RGS22: variants seen among roughly 807,000 people sequenced by gnomAD.
RGS22 encodes the protein regulator of G-protein signaling 22.
RGS22 carries 148 observed loss-of-function variants against 172.9 expected under a neutral mutation model. The observed-to-expected ratio is 0.86, with a 90% CI of 0.75 to 0.98. The LOEUF (loss-of-function observed/expected upper bound fraction) is 0.98. Ranked by LOEUF, RGS22 falls within the 50% of genes least tolerant of loss-of-function variation. RGS22 has a pLI of 0.00. For missense variants in RGS22, 1,347 were observed against 1,440.8 expected (o/e 0.93, Z 1.05); for synonymous variants, 458 against 480.2 (o/e 0.95, Z 0.60).
chr8:99,987,456 A>G lies in RGS22; in HGVS notation c.3180+2T>C. The G allele has an allele frequency of 6.3e-7, 1 of 1,598,944 alleles. No individual in the cohort carries two copies. The highest frequency in any genetic ancestry group is 2.2e-5 in the East Asian group (1 of 44,598). ...GGTTTTCTCTAGCTCCCAATACAAT[A>G]CCTTATATTTTTGTACTTCTTGCCA... On this transcript the variant is annotated splice_donor_variant, in intron 21 of 27. Transcript: ENST00000360863. LOFTEE classifies it high-confidence loss of function.
At chr8:99,971,777 G>C (rs1266382470) in intron 23 of RGS22, among the ~76,000 whole-genome samples, 1 of 151,694 alleles carries the variant, frequency 6.6e-6, no homozygotes, top group Non-Finnish European at 1.5e-5. Context: ...GGAAGAATCA[G>C]TATCGTGGGA....
intron 15 of RGS22, among the ~76,000 whole-genome samples, chr8:100,007,330 T>A (rs1006240663): frequency 6.6e-6 from 1 of 152,200 alleles, no homozygotes; most frequent in Admixed American, 6.5e-5. Context: ...TAGATGGTTT[T>A]AATTTGTGAT....
At chr8:99,976,790 T>G (rs752866507) in intron 23 of RGS22, among the ~76,000 whole-genome samples, 11 of 152,204 alleles carry the variant, frequency 7.2e-5, no homozygotes, top group Non-Finnish European at 1.2e-4. Flanking sequence ...GTTTTATTTC[T>G]AATGGGAAAA....
At chr8:100,101,258 G>C (rs908582532) in intron 2 of RGS22, among the ~76,000 whole-genome samples, 30 of 151,026 alleles carry the variant, frequency 2.0e-4, no homozygotes, top group Non-Finnish European at 3.8e-4. Context: ...TACTTTAGCT[G>C]TAAGTTTAAA....
intron 9 of RGS22, among the ~76,000 whole-genome samples, chr8:100,055,822 C>T (rs1822184760): frequency 3.3e-5 from 5 of 152,158 alleles, no homozygotes; most frequent in African/African-American, 9.7e-5. Flanking sequence ...TTCATTAAAC[C>T]TCTTTGCTTT....
Position 100,002,619 on chromosome 8 carries a change from G to A in RGS22, c.2628-255C>T, listed in dbSNP as rs562204977. 3.3e-5 allele frequency among the ~76,000 whole-genome samples: 5 copies of A among 152,214 alleles called. No individual in the cohort carries two copies. The South Asian group carries it at 6.2e-4, about 19-fold the overall frequency. ...ATTTTGGGATCAGAAAAAAAAATCC[G>A]TCACCATTATTGGTGGGATCTCAGA... On this transcript the variant is annotated intron_variant, in intron 17 of 27. Transcript: ENST00000360863.
chr8:100,094,901 T>C (rs1160871600), intron 2 of RGS22, among the ~76,000 whole-genome samples: 1 of 152,212 alleles, frequency 6.6e-6, no homozygotes, highest in African/African-American at 2.4e-5. Context: ...CAGTACTGGA[T>C]CACATGATCA....
chr8:100,032,128 G>T (rs1458903151), intron 14 of RGS22, among the ~76,000 whole-genome samples: 5 of 152,160 alleles, frequency 3.3e-5, no homozygotes, highest in Admixed American at 3.3e-4. Context: ...AAAATAACCA[G>T]CAAACATCAT....
chr8:100,054,190 G>C (rs892212024), intron 9 of RGS22: 1 of 152,194 alleles, frequency 6.6e-6, no homozygotes, highest in South Asian at 2.1e-4. Context: ...CCAGCTGTAA[G>C]AGCCTGCTGC....
chr8:100,008,551 C>T lies in RGS22; in HGVS notation c.2185G>A (p.Val729Ile), dbSNP rs200812148. Residue 729 changes from valine (V) to isoleucine (I), a missense_variant, in exon 15 of 28, where the codon GTT becomes ATT. By Grantham distance (29) the Val-to-Ile change is conservative. Transcript: ENST00000360863. ...ATGTCAAGAGTGGCAGAAGGAGCAA[C>T]GTATGTGGCAAAAAGATACTGAAGG... Reference protein sequence around the residue: ...KQAQYLFATYVAPSATLDIGL... With the variant: ...KQAQYLFATYIAPSATLDIGL... 4.1e-4 allele frequency: 661 copies of T among 1,606,758 alleles called. 1 individual carries two copies. Among genetic ancestry groups the T allele is most frequent in the Non-Finnish European group, 5.3e-4 (621 of 1,178,186 alleles).
chr8:99,989,286 C>A (rs2131257553), intron 20 of RGS22, among the ~76,000 whole-genome samples: 1 of 152,176 alleles, frequency 6.6e-6, no homozygotes, highest in East Asian at 1.9e-4. Context: ...CTTATAAGCT[C>A]AAAAGGAAGA....
intron 11 of RGS22, 21 bp downstream of exon 11, chr8:100,047,442 C>A: frequency 6.4e-7 from 1 of 1,571,654 alleles, no homozygotes. Flanking sequence ...AAGCACTTAA[C>A]ACACAAAAAG....
In RGS22 at chr8:99,961,042, C is replaced by T. The variant is rs1009256276; in HGVS notation, c.*200G>A. The stretch of plus-strand genomic sequence containing the variant: ...CAGAATAGCTATAATTTTAAAACTG[C>T]GAGAGTAAGACAAGCCAAATTTTCT... On this transcript the variant is annotated 3_prime_UTR_variant, in exon 28 of 28. Coordinates refer to ENST00000360863, the MANE Select transcript of RGS22 (RefSeq NM_015668.5). The T allele has an allele frequency of 1.7e-4, 60 of 354,142 alleles. No individual in the cohort carries two copies. Among genetic ancestry groups the T allele is most frequent in the Non-Finnish European group, 2.6e-4 (48 of 182,374 alleles). 21.9% of individuals were successfully genotyped at this position (354,142 alleles called of 1,614,324 possible).
At chr8:100,030,248 C>A (rs1423501396) in intron 14 of RGS22, among the ~76,000 whole-genome samples, 3 of 152,086 alleles carry the variant, frequency 2.0e-5, no homozygotes, top group African/African-American at 7.2e-5. Context: ...ATTGCACTGC[C>A]AGTTGTATAA....
rs1815972160 is a variant in RGS22, at chr8:100,008,372, T to C, written c.2361+3A>G. The C allele has an allele frequency of 2.5e-6, 4 of 1,606,938 alleles. No individual in the cohort carries two copies. The highest frequency in any genetic ancestry group is 1.3e-5 in the African/African-American group (1 of 74,160). ...CACACTCAATTTATCGGTGGCACGG[T>C]ACCTTTTTATAAGCAATTTGGTCCG... On this transcript the variant is annotated splice_donor_region_variant and intron_variant, in intron 15 of 27. Coordinates refer to ENST00000360863, the MANE Select transcript of RGS22 (RefSeq NM_015668.5).
chr8:99,984,784 T>G (rs1318373379), intron 21 of RGS22, among the ~76,000 whole-genome samples: 1 of 135,800 alleles, frequency 7.4e-6, no homozygotes, highest in Admixed American at 7.1e-5. Context: ...TTCCAGTCTT[T>G]ACGGACACAC....
intron 6 of RGS22, among the ~76,000 whole-genome samples, chr8:100,067,707 C>T (rs936508871): frequency 6.6e-6 from 1 of 150,656 alleles, no homozygotes; most frequent in Non-Finnish European, 1.5e-5. Flanking sequence ...TCACTGCAAC[C>T]TCTGCCTACT....
chr8:99,962,958 C>T lies in RGS22; in HGVS notation c.3636G>A (p.Lys1212=). The T allele has an allele frequency of 6.3e-7, 1 of 1,583,662 alleles. No homozygotes were observed. Among genetic ancestry groups the T allele is most frequent in the Non-Finnish European group, 8.5e-7 (1 of 1,172,338 alleles). Reference sequence around the variant, plus strand: ...TCTCCTGTTCTAAGGCTTCTATATACTTTGAGTAGCACCAGGTTGGCTAAA... The same window carrying T: ...TCTCCTGTTCTAAGGCTTCTATATATTTTGAGTAGCACCAGGTTGGCTAAA... ...YGRQPTWCYS[K]YIEALEQERI... The change falls in exon 25 of 28, where the codon AAG becomes AAA. Residue 1212 remains lysine, a synonymous_variant. Coordinates refer to ENST00000360863, the MANE Select transcript of RGS22 (RefSeq NM_015668.5).
intron 3 of RGS22, among the ~76,000 whole-genome samples, chr8:100,084,070 C>T (rs1294240133): frequency 6.6e-6 from 1 of 152,026 alleles, no homozygotes; most frequent in Non-Finnish European, 1.5e-5. Context: ...ATCTCTTGAC[C>T]TCATGATCCG....
Sources: gnomAD v4.1 joint callset for allele counts (sites outside exome capture counted in the v4.1 genomes callset) on GRCh38, gnomAD v4.1.1 for gene constraint, MANE v1.5 for transcripts, NCBI Gene and HGNC (gene_info 2026-07-23, HGNC 2026-07-21) for gene names.